The following RPH3A variants were observed in gnomAD, a reference collection of about 807,000 sequenced individuals.
RPH3A encodes the protein rabphilin 3A, also known as rabphilin-3A.
In RPH3A, 48 loss-of-function variants were observed where a neutral mutation model predicts 102.2. That is an observed-to-expected ratio of 0.47 (90% CI 0.37 to 0.60). The LOEUF is 0.60. Ranked by LOEUF, RPH3A falls within the 20% of genes least tolerant of loss-of-function variation. The probability of loss-of-function intolerance (pLI) is 0.00; values close to 1 mark genes in which losing one functional copy is unlikely to be tolerated. For synonymous variants in RPH3A, 310 were observed against 324.3 expected (o/e 0.96, Z 0.47); for missense variants, 781 against 910.1 (o/e 0.86, Z 1.83).
intron 13 of RPH3A, 67 bp downstream of exon 13, chr12:112,876,933 G>A: frequency 7.9e-7 from 1 of 1,261,918 alleles, no homozygotes; most frequent in East Asian, 2.4e-5. Context: ...AGGAAAACAG[G>A]AACGGCTCAG....
At chr12:112,583,709 G>A (rs1029004836) in intron 1 of RPH3A, among the ~76,000 whole-genome samples, 2 of 152,194 alleles carry the variant, frequency 1.3e-5, no homozygotes, top group Admixed American at 6.5e-5. Context: ...GGCTGGCCAT[G>A]CGCGGTGGCT....
intron 1 of RPH3A, among the ~76,000 whole-genome samples, chr12:112,732,546 G>T (rs181949062): frequency 6.6e-6 from 1 of 152,192 alleles, no homozygotes. Context: ...GGAGATGAAC[G>T]TGCAGGATGT....
chr12:112,692,942 T>C (rs1043237192), intron 1 of RPH3A, among the ~76,000 whole-genome samples: 2 of 152,168 alleles, frequency 1.3e-5, no homozygotes, highest in Admixed American at 1.3e-4. Flanking sequence ...GGGAATCATT[T>C]GGGTTGACTA....
chr12:112,636,580 G>A (rs2039850411), intron 1 of RPH3A, among the ~76,000 whole-genome samples: 1 of 152,142 alleles, frequency 6.6e-6, no homozygotes. Context: ...ATGAAGAATT[G>A]TGCCATCCAG....
At chr12:112,784,063 G>C (rs953464972) in intron 1 of RPH3A, among the ~76,000 whole-genome samples, 2 of 151,962 alleles carry the variant, frequency 1.3e-5, no homozygotes, top group African/African-American at 4.8e-5. Context: ...CACTGCCTGG[G>C]GTCACTCCTT....
intron 1 of RPH3A, among the ~76,000 whole-genome samples, chr12:112,728,640 T>A (rs114730259): frequency 0.012 from 1,830 of 152,114 alleles, 35 homozygotes; most frequent in African/African-American, 0.042. Context: ...GGTGGCAGAG[T>A]GTTACTGACA....
intron 1 of RPH3A, among the ~76,000 whole-genome samples, chr12:112,712,992 T>C (rs1051010904): frequency 3.8e-5 from 4 of 104,604 alleles, no homozygotes; most frequent in East Asian, 3.2e-4. Context: ...TCGTCGTCTT[T>C]GTCTTCCTCT....
At chr12:112,750,324 G>T (rs1316616546) in intron 1 of RPH3A, among the ~76,000 whole-genome samples, 2 of 152,158 alleles carry the variant, frequency 1.3e-5, no homozygotes, top group African/African-American at 4.8e-5. Context: ...AACACTAGGA[G>T]GGGAGTGGGG....
intron 1 of RPH3A, among the ~76,000 whole-genome samples, chr12:112,707,351 T>C (rs550893797): frequency 6.6e-6 from 1 of 152,266 alleles, no homozygotes; most frequent in South Asian, 2.1e-4. Flanking sequence ...ACTATGATAA[T>C]TGGTTTAGAT....
chr12:112,856,781 T>C lies in RPH3A; in HGVS notation c.231-8633T>C, dbSNP rs554927860. ...ATAAATAACTAGCAGCAACCATTAC[T>C]GAATAGTTACCATGTTCCGGGCATT... On this transcript the variant is annotated intron_variant, in intron 5 of 21. Transcript: ENST00000389385. 1.9e-3 allele frequency among the ~76,000 whole-genome samples: 289 copies of C among 152,350 alleles called. 1 individual carries two copies. The highest frequency in any genetic ancestry group is 2.9e-3 in the Non-Finnish European group (195 of 68,030).
chr12:112,706,257 A>T (rs1424113133), intron 1 of RPH3A, among the ~76,000 whole-genome samples: 2 of 152,166 alleles, frequency 1.3e-5, no homozygotes, highest in Non-Finnish European at 2.9e-5. Flanking sequence ...TCCCCAGGAA[A>T]GGCCCTCAAC....
At chr12:112,787,252 T>G (rs2041057619), upstream of RPH3A, among the ~76,000 whole-genome samples, 1 of 152,212 alleles carries the variant, frequency 6.6e-6, no homozygotes. Context: ...TAACCCCTTT[T>G]GGGGATGAAA....
Position 112,883,279 on chromosome 12 carries a change from C to T in RPH3A, c.1327-14C>T. The T allele has an allele frequency of 1.9e-6, 3 of 1,607,734 alleles. No individual in the cohort carries two copies. Among genetic ancestry groups the T allele is most frequent in the African/African-American group, 1.3e-5 (1 of 74,936 alleles). On this transcript the variant is annotated splice_polypyrimidine_tract_variant and intron_variant, in intron 15 of 21. Coordinates refer to ENST00000389385, the MANE Select transcript of RPH3A (RefSeq NM_001143854.2). ...CTGAGGTAGGTGTCTCTGTCCATCT[C>T]TCTCGGGCTCTAGTCCAACAAGCTT...
intron 17 of RPH3A, among the ~76,000 whole-genome samples, chr12:112,889,626 G>T (rs1213534613): frequency 2.6e-5 from 4 of 152,150 alleles, no homozygotes; most frequent in Non-Finnish European, 5.9e-5. Flanking sequence ...GGCCATGAAG[G>T]CAAAAGCACC....
chr12:112,605,422 G>A (rs1013810179), intron 1 of RPH3A, among the ~76,000 whole-genome samples: 8 of 151,960 alleles, frequency 5.3e-5, no homozygotes, highest in African/African-American at 7.2e-5. Context: ...AAATCCAAAC[G>A]AAACCGAACA....
intron 1 of RPH3A, among the ~76,000 whole-genome samples, chr12:112,713,965 A>G (rs1377604119): frequency 1.3e-5 from 2 of 152,180 alleles, no homozygotes; most frequent in East Asian, 3.8e-4. Flanking sequence ...AAGTTGCCTA[A>G]TCTCACGGTG....
At chr12:112,861,228 A>G (rs2042507810) in intron 5 of RPH3A, among the ~76,000 whole-genome samples, 1 of 152,226 alleles carries the variant, frequency 6.6e-6, no homozygotes, top group Admixed American at 6.5e-5. Flanking sequence ...CCTATTTTCC[A>G]GATGAGCAAA....
intron 1 of RPH3A, among the ~76,000 whole-genome samples, chr12:112,755,956 G>A (rs2040820107): frequency 6.6e-6 from 1 of 152,088 alleles, no homozygotes; most frequent in Non-Finnish European, 1.5e-5. Flanking sequence ...TTTTAAAAAA[G>A]TGGTACATGG....
intron 1 of RPH3A, among the ~76,000 whole-genome samples, chr12:112,697,648 C>T (rs1028999513): frequency 2.6e-5 from 4 of 152,014 alleles, no homozygotes; most frequent in African/African-American, 9.7e-5. Context: ...GTGGATCACT[C>T]GAGGTCAGGG....
Sources: gnomAD v4.1 joint callset for allele counts (sites outside exome capture counted in the v4.1 genomes callset) on GRCh38, gnomAD v4.1.1 for gene constraint, MANE v1.5 for transcripts, NCBI Gene and HGNC (gene_info 2026-07-23, HGNC 2026-07-21) for gene names.